The following MARCHF3 variants were observed in gnomAD, a reference collection of about 807,000 sequenced individuals.
The protein encoded by MARCHF3 is E3 ubiquitin-protein ligase MARCHF3.
MARCHF3 carries 13 observed loss-of-function variants against 24.2 expected under a neutral mutation model. The ratio of observed to expected loss-of-function variants is 0.54; its 90% CI spans 0.35 to 0.85. The LOEUF (loss-of-function observed/expected upper bound fraction) is 0.85, where lower values mean the gene tolerates loss of function less well. MARCHF3 is among the 40% of genes least tolerant of loss of function. The probability of loss-of-function intolerance (pLI) is 0.01; values close to 1 mark genes in which losing one functional copy is unlikely to be tolerated. For synonymous variants in MARCHF3, 144 were observed against 137.3 expected, an observed-to-expected ratio of 1.05 and a Z score of -0.34; for missense variants, 276 against 325.0, an observed-to-expected ratio of 0.85 and a Z score of 1.16.
intron 1 of MARCHF3, among the ~76,000 whole-genome samples, chr5:126,927,950 T>C (rs1749350455): frequency 6.6e-6 from 1 of 152,238 alleles, no homozygotes; most frequent in Non-Finnish European, 1.5e-5. Flanking sequence ...TACAGAGGTC[T>C]ACCCTTACAC....
In MARCHF3 at chr5:126,979,646, C is replaced by A. The variant is rs138609838; in HGVS notation, c.-57+50704G>T. ...TTCTAATTTTGAAATGGTCTTTATTCCTTATTAGAAATGAAAGTGAGGCCA... is the reference window on the plus strand; with the variant it reads ...TTCTAATTTTGAAATGGTCTTTATTACTTATTAGAAATGAAAGTGAGGCCA... On this transcript the variant is annotated intron_variant, in intron 1 of 4. Transcript: ENST00000308660. 1.2e-4 allele frequency among the ~76,000 whole-genome samples: 18 copies of A among 152,158 alleles called. No individual in the cohort carries two copies. The East Asian group carries it at 3.5e-3, about 29-fold the overall frequency.
chr5:126,869,309 T>C lies in MARCHF3; in HGVS notation c.*1324A>G, dbSNP rs1183375813. On this transcript the variant is annotated 3_prime_UTR_variant, in exon 5 of 5. Transcript: ENST00000308660. ...GGGCTCCGCCCCTCCTCGCTGCGTGTGGGCGGGCGGACAGCCGGGAGCCTG... is the reference window on the plus strand; with the variant it reads ...GGGCTCCGCCCCTCCTCGCTGCGTGCGGGCGGGCGGACAGCCGGGAGCCTG... 1 of 152,230 alleles carries C rather than the reference T, an allele frequency of 6.6e-6. No homozygotes were observed. The highest frequency in any genetic ancestry group is 1.5e-5 in the Non-Finnish European group (1 of 68,080). 9.4% of individuals were successfully genotyped at this position (152,230 alleles called of 1,614,324 possible). A position where few individuals can be genotyped will look rare whatever the true frequency, so the allele number is the denominator to read the frequency against.
chr5:126,933,102 T>TAAAAC (rs1021212304), intron 1 of MARCHF3, among the ~76,000 whole-genome samples: 1 of 152,134 alleles, frequency 6.6e-6, no homozygotes, highest in African/African-American at 2.4e-5. Context: ...AAAAATAAAA[T>TAAAAC]AAAACAAAAC....
intron 1 of MARCHF3, among the ~76,000 whole-genome samples, chr5:126,968,919 A>G (rs1419482192): frequency 6.6e-6 from 1 of 152,112 alleles, no homozygotes; most frequent in Non-Finnish European, 1.5e-5. Flanking sequence ...CTCTTTTCAG[A>G]TAAGTGATAT....
intron 3 of MARCHF3, among the ~76,000 whole-genome samples, chr5:126,896,407 A>G (rs976882708): frequency 6.6e-6 from 1 of 152,136 alleles, no homozygotes; most frequent in African/African-American, 2.4e-5. Context: ...ACTGGCATTT[A>G]TAGAAGGGCA....
rs759577287 is a variant in MARCHF3 at position 126,897,045 on chromosome 5, A to ATTTTTT, written c.393+17879_393+17884dup. On this transcript the variant is annotated intron_variant, in intron 3 of 4. Transcript: ENST00000308660. Reference sequence around the variant, plus strand: ...CAATCCAACTTTCTGAAGTTTGAGAATTTTTTTTTTTGAGATGGAGTTTCA... The same window carrying ATTTTTT: ...CAATCCAACTTTCTGAAGTTTGAGAATTTTTTTTTTTTTTTTTGAGATGGAGTTTCA... 1.5e-4 allele frequency among the ~76,000 whole-genome samples: 18 copies of ATTTTTT among 116,452 alleles called. 1 individual carries two copies. The highest frequency in any genetic ancestry group is 6.1e-4 in the African/African-American group (17 of 27,832). 76.4% of individuals were successfully genotyped at this position (116,452 alleles called of 152,430 possible). A position where few individuals can be genotyped will look rare whatever the true frequency, so the allele number is the denominator to read the frequency against.
intron 1 of MARCHF3, among the ~76,000 whole-genome samples, chr5:127,017,267 A>AT (rs1409345117): frequency 6.6e-6 from 1 of 152,238 alleles, no homozygotes; most frequent in African/African-American, 2.4e-5. Flanking sequence ...TATGATAAAA[A>AT]AAAATGAATT....
intron 4 of MARCHF3, 89 bp from the exon 5 acceptor site, chr5:126,870,880 G>T: frequency 1.3e-6 from 2 of 1,504,328 alleles, no homozygotes; most frequent in Non-Finnish European, 1.8e-6. Flanking sequence ...TCATTTGAAA[G>T]AGCTTCAAAG....
chr5:126,924,933 T>G (rs1352191092), intron 1 of MARCHF3, among the ~76,000 whole-genome samples: 1 of 152,238 alleles, frequency 6.6e-6, no homozygotes, highest in Non-Finnish European at 1.5e-5. Context: ...GACCTCATTA[T>G]GTGGAGCGCA....
chr5:126,880,499 T>G (rs1276592707), intron 3 of MARCHF3, among the ~76,000 whole-genome samples: 1 of 152,320 alleles, frequency 6.6e-6, no homozygotes, highest in Non-Finnish European at 1.5e-5. Context: ...AAAGAGCTCT[T>G]ATTAATTAAC....
At chr5:126,996,444 G>A (rs956168755) in intron 1 of MARCHF3, among the ~76,000 whole-genome samples, 3 of 151,906 alleles carry the variant, frequency 2.0e-5, no homozygotes, top group African/African-American at 7.3e-5. Flanking sequence ...CCCACTTTGT[G>A]TTGTCCATTA....
chr5:126,999,710 C>G (rs1483227831), intron 1 of MARCHF3, among the ~76,000 whole-genome samples: 1 of 152,156 alleles, frequency 6.6e-6, no homozygotes, highest in Non-Finnish European at 1.5e-5. Context: ...CAATCAAATA[C>G]ACATCATTTA....
intron 1 of MARCHF3, among the ~76,000 whole-genome samples, chr5:126,942,536 A>C (rs1013118350): frequency 2.0e-5 from 3 of 152,234 alleles, no homozygotes; most frequent in African/African-American, 7.2e-5. Flanking sequence ...AACAATAAAT[A>C]TTGATAAAGA....
intron 1 of MARCHF3, among the ~76,000 whole-genome samples, chr5:127,019,297 A>T (rs1250303116): frequency 6.6e-6 from 1 of 152,212 alleles, no homozygotes; most frequent in Non-Finnish European, 1.5e-5. Flanking sequence ...CACGACAAGT[A>T]GTAGACACAC....
chr5:126,891,048 G>C (rs1173906895), intron 3 of MARCHF3, among the ~76,000 whole-genome samples: 1 of 151,026 alleles, frequency 6.6e-6, no homozygotes, highest in African/African-American at 2.4e-5. Flanking sequence ...GTGATGGTGA[G>C]CATTTTTTCA....
chr5:127,029,222 C>T (rs953693871), intron 1 of MARCHF3, among the ~76,000 whole-genome samples: 1 of 152,192 alleles, frequency 6.6e-6, no homozygotes, highest in Non-Finnish European at 1.5e-5. Context: ...TATATACACA[C>T]ACTCACACAT....
At chr5:126,879,369 A>C (rs73783476) in intron 3 of MARCHF3, among the ~76,000 whole-genome samples, 19,274 of 152,144 alleles carry the variant, frequency 0.13, 3,041 homozygotes, top group African/African-American at 0.37. Context: ...TGGGGATACC[A>C]AACACGGAAT....
intron 1 of MARCHF3, among the ~76,000 whole-genome samples, chr5:126,979,872 C>CG (rs1324512187): frequency 7.8e-5 from 11 of 141,778 alleles, no homozygotes; most frequent in Non-Finnish European, 1.2e-4. Context: ...CGCTTGAACC[C>CG]GGGAGGTGGA....
At chr5:126,957,054 C>T (rs1055443827) in intron 1 of MARCHF3, among the ~76,000 whole-genome samples, 9 of 151,614 alleles carry the variant, frequency 5.9e-5, no homozygotes, top group African/African-American at 2.2e-4. Flanking sequence ...GCCACTGTGC[C>T]CGGCTAAGAA....
Sources: allele counts gnomAD v4.1 joint callset (sites outside exome capture counted in the v4.1 genomes callset), GRCh38; gene constraint gnomAD v4.1.1; transcripts MANE v1.5; gene names NCBI Gene and HGNC (gene_info 2026-07-23, HGNC 2026-07-21).